The following NME7 variants were observed in gnomAD, a reference collection of about 807,000 sequenced individuals.
NME7 encodes NME/NM23 family member 7, also known as nucleoside diphosphate kinase 7.
Under a neutral mutation model 49.1 loss-of-function variants are expected in NME7, and 41 were observed. That is an observed-to-expected ratio of 0.83 (90% CI 0.65 to 1.08). NME7 has a LOEUF of 1.08. Ranked by LOEUF, NME7 falls within the 50% of genes least tolerant of loss-of-function variation. NME7 has a pLI of 0.00. For missense variants in NME7, 423 were observed against 463.4 expected (o/e 0.91, Z 0.80); for synonymous variants, 139 against 150.6 (o/e 0.92, Z 0.56).
rs530304046 is a variant in NME7 at position 169,269,210 on chromosome 1, T to C, written c.754+18093A>G. 3.0e-5 allele frequency among the ~76,000 whole-genome samples: 4 copies of C among 133,434 alleles called. 1 individual carries two copies. The highest frequency in any genetic ancestry group is 1.0e-4 in the African/African-American group (4 of 39,532). 87.5% of individuals were successfully genotyped at this position (133,434 alleles called of 152,430 possible). A position where few individuals can be genotyped will look rare whatever the true frequency, so the allele number is the denominator to read the frequency against. On this transcript the variant is annotated intron_variant, in intron 7 of 11. Coordinates refer to ENST00000367811, the MANE Select transcript of NME7 (RefSeq NM_013330.5). The stretch of plus-strand genomic sequence containing the variant: ...CTAAAACTTACAGATCCTTAGGATA[T>C]TTTCACTGTCTATAATTTTATGTTT...
intron 1 of NME7, among the ~76,000 whole-genome samples, chr1:169,340,099 T>A (rs1652630529): frequency 6.6e-6 from 1 of 152,232 alleles, no homozygotes; most frequent in Admixed American, 6.5e-5. Flanking sequence ...AACTCTTCAG[T>A]TATTCCATTT....
intron 11 of NME7, among the ~76,000 whole-genome samples, chr1:169,160,515 T>C (rs1178264024): frequency 1.3e-5 from 2 of 152,122 alleles, no homozygotes; most frequent in Admixed American, 1.3e-4. Context: ...ATATATAGTA[T>C]ATATTATATA....
intron 1 of NME7, among the ~76,000 whole-genome samples, chr1:169,337,715 G>T (rs563463217): frequency 1.3e-5 from 2 of 152,334 alleles, no homozygotes; most frequent in African/African-American, 4.8e-5. Context: ...GCTTTACTTA[G>T]ATGTCACAGT....
intron 1 of NME7, among the ~76,000 whole-genome samples, chr1:169,354,973 TTATATATGTTTATATATAATATAATTA>T (rs1171823673): frequency 9.2e-5 from 5 of 54,596 alleles, no homozygotes; most frequent in Non-Finnish European, 2.2e-4. Flanking sequence ...TATAATATAA[TTATATATGTTTATATATAATATAATTA>T]TATATGTTTA....
chr1:169,139,977 AAT>A (rs1479641891), intron 11 of NME7, among the ~76,000 whole-genome samples: 6 of 152,332 alleles, frequency 3.9e-5, no homozygotes, highest in Middle Eastern at 6.8e-3. Context: ...GTACCTTGAT[AAT>A]AGTATCGTAT....
At chr1:169,196,488 G>A (rs530508303) in intron 10 of NME7, among the ~76,000 whole-genome samples, 4 of 152,216 alleles carry the variant, frequency 2.6e-5, no homozygotes, top group East Asian at 1.9e-4. Context: ...TGCAGTATCC[G>A]CATGCTTGGC....
rs1050598995 is a variant in NME7, at chr1:169,237,505, A to T, written c.819+118T>A. 10 of 655,100 alleles carry T rather than the reference A, an allele frequency of 1.5e-5. No individual in the cohort carries two copies. In the African/African-American group the frequency reaches 1.9e-4, roughly 12 times the overall value. The allele number at this position is 655,100 out of a possible 1,614,324, so 40.6% of individuals were successfully genotyped here. On this transcript the variant is annotated intron_variant, in intron 8 of 11. Coordinates refer to ENST00000367811, the MANE Select transcript of NME7 (RefSeq NM_013330.5). The stretch of plus-strand genomic sequence containing the variant: ...AGGAAGGTTACTGAGTTCAGTAAGT[A>T]TGTCTTTTATTTTTAATGTGGTTCA...
intron 10 of NME7, 35 bp downstream of exon 10, chr1:169,230,683 C>A: frequency 2.1e-6 from 3 of 1,445,232 alleles, no homozygotes; most frequent in South Asian, 2.7e-5. Flanking sequence ...GAATAGATAA[C>A]ACAAACTAGG....
chr1:169,239,940 G>A (rs1648009921), intron 7 of NME7, among the ~76,000 whole-genome samples: 1 of 152,008 alleles, frequency 6.6e-6, no homozygotes, highest in Non-Finnish European at 1.5e-5. Flanking sequence ...ACCATATACA[G>A]AGGTTTGGAT....
intron 10 of NME7, among the ~76,000 whole-genome samples, chr1:169,177,505 G>A (rs1018885302): frequency 6.6e-6 from 1 of 152,026 alleles, no homozygotes; most frequent in Admixed American, 6.5e-5. Context: ...AAAATTCTTG[G>A]GCTGGGTGTG....
At chr1:169,172,323 C>CGTGTGTGTGTGT (rs200830717) in intron 10 of NME7, among the ~76,000 whole-genome samples, 1,533 of 127,750 alleles carry the variant, frequency 0.012, 17 homozygotes, top group Non-Finnish European at 0.02. Context: ...CAAAAACATA[C>CGTGTGTGTGTGT]GTGTGTGTGT....
At chr1:169,244,512 A>G (rs12065226) in intron 7 of NME7, among the ~76,000 whole-genome samples, 56,631 of 150,846 alleles carry the variant, frequency 0.38, 11,292 homozygotes, top group East Asian at 0.79. Flanking sequence ...GGTGGGTGCC[A>G]GTAGTCCCAG....
intron 1 of NME7, among the ~76,000 whole-genome samples, chr1:169,334,677 C>T (rs935420405): frequency 4.6e-5 from 7 of 151,982 alleles, no homozygotes; most frequent in South Asian, 4.1e-4. Flanking sequence ...ACAAAAAGGC[C>T]GAATGCGATT....
At chr1:169,135,006 C>G (rs548180499) in intron 11 of NME7, among the ~76,000 whole-genome samples, 3 of 60,806 alleles carry the variant, frequency 4.9e-5, no homozygotes, top group East Asian at 1.0e-3. Context: ...GAGATCCCCC[C>G]GTCTCTACAA....
At chr1:169,148,605 C>G (rs189038354) in intron 11 of NME7, among the ~76,000 whole-genome samples, 2 of 152,318 alleles carry the variant, frequency 1.3e-5, no homozygotes, top group Non-Finnish European at 2.9e-5. Flanking sequence ...CTAAGAGTTA[C>G]TTATTAACTC....
chr1:169,204,884 A>G (rs545956613), intron 10 of NME7, among the ~76,000 whole-genome samples: 54 of 152,266 alleles, frequency 3.5e-4, no homozygotes, highest in Admixed American at 9.8e-4. Flanking sequence ...GGGCAAGCTT[A>G]GTATCTTTAC....
At chr1:169,219,294 G>C (rs1661069858) in intron 10 of NME7, among the ~76,000 whole-genome samples, 1 of 152,118 alleles carries the variant, frequency 6.6e-6, no homozygotes, top group South Asian at 2.1e-4. Flanking sequence ...ATTGTACAAA[G>C]TTGCAAAAAG....
intron 1 of NME7, among the ~76,000 whole-genome samples, chr1:169,338,590 C>G (rs894468476): frequency 1.1e-4 from 17 of 152,180 alleles, no homozygotes; most frequent in African/African-American, 4.1e-4. Context: ...AATTTTTGCT[C>G]TCTGACTTCT....
chr1:169,139,308 C>T (rs745806698), intron 11 of NME7, among the ~76,000 whole-genome samples: 1 of 152,208 alleles, frequency 6.6e-6, no homozygotes, highest in Non-Finnish European at 1.5e-5. Flanking sequence ...CTTACAACCA[C>T]CTTTATGACA....
Sources: allele counts gnomAD v4.1 joint callset (sites outside exome capture counted in the v4.1 genomes callset), GRCh38; gene constraint gnomAD v4.1.1; transcripts MANE v1.5; gene names NCBI Gene and HGNC (gene_info 2026-07-23, HGNC 2026-07-21).